BNC2: variants seen among roughly 807,000 people sequenced by gnomAD.
BNC2 encodes the protein zinc finger protein basonuclin-2.
Under a neutral mutation model 76.3 loss-of-function variants are expected in BNC2, and 20 were observed. The observed-to-expected ratio is 0.26, with a 90% CI of 0.18 to 0.38. BNC2 has a LOEUF of 0.38. Among genes scored for constraint, BNC2 ranks in the 10% least tolerant of loss-of-function variants. The pLI is 1.00. For missense variants in BNC2, 1,382 were observed against 1,399.8 expected (o/e 0.99, Z 0.20); for synonymous variants, 582 against 514.8 (o/e 1.13, Z -1.77).
chr9:16,622,246 A>C (rs1563867848), intron 3 of BNC2, among the ~76,000 whole-genome samples: 1 of 152,210 alleles, frequency 6.6e-6, no homozygotes, highest in African/African-American at 2.4e-5. Context: ...CTCTAAAAGA[A>C]GCAGTGAAGA....
chr9:16,683,732 G>A (rs1447742642), intron 3 of BNC2, among the ~76,000 whole-genome samples: 2 of 152,202 alleles, frequency 1.3e-5, no homozygotes, highest in African/African-American at 2.4e-5. Flanking sequence ...ATATGTATAT[G>A]TACTAGGTAT....
intron 1 of BNC2, among the ~76,000 whole-genome samples, chr9:16,782,006 G>C (rs1826166480): frequency 6.6e-6 from 1 of 151,962 alleles, no homozygotes; most frequent in Non-Finnish European, 1.5e-5. Flanking sequence ...TTTTGTATAG[G>C]CTGGGCGTGG....
At chr9:16,853,720 T>C (rs1461998297) in intron 1 of BNC2, among the ~76,000 whole-genome samples, 1 of 151,950 alleles carries the variant, frequency 6.6e-6, no homozygotes, top group Non-Finnish European at 1.5e-5. Flanking sequence ...TACAAAAAAT[T>C]AGCTGGACGT....
intron 3 of BNC2, among the ~76,000 whole-genome samples, chr9:16,673,953 T>A (rs1822560778): frequency 6.6e-6 from 1 of 152,256 alleles, no homozygotes; most frequent in African/African-American, 2.4e-5. Flanking sequence ...TTTATCAAAC[T>A]CAATACCTAT....
intron 2 of BNC2, among the ~76,000 whole-genome samples, chr9:16,734,735 A>T (rs921470604): frequency 5.9e-5 from 9 of 152,234 alleles, no homozygotes; most frequent in African/African-American, 2.2e-4. Flanking sequence ...ACAAAAGAAA[A>T]AATAATAACC....
chr9:16,431,181 C>T (rs910970897), intron 6 of BNC2, among the ~76,000 whole-genome samples: 15 of 152,192 alleles, frequency 9.9e-5, no homozygotes, highest in Admixed American at 2.6e-4. Context: ...TTAGAACTGC[C>T]AATCATTAAG....
At chr9:16,620,983 A>G (rs1027291938) in intron 3 of BNC2, among the ~76,000 whole-genome samples, 1 of 152,174 alleles carries the variant, frequency 6.6e-6, no homozygotes, top group African/African-American at 2.4e-5. Context: ...CCACAATGTT[A>G]TCTGGTTCCG....
intron 1 of BNC2, among the ~76,000 whole-genome samples, chr9:16,850,334 G>T (rs1352368639): frequency 6.6e-6 from 1 of 152,172 alleles, no homozygotes; most frequent in Admixed American, 6.5e-5. Flanking sequence ...TGGTACGCAT[G>T]AATCTATAAG....
At chr9:16,661,834 CAG>C (rs1358268658) in intron 3 of BNC2, among the ~76,000 whole-genome samples, 1 of 152,060 alleles carries the variant, frequency 6.6e-6, no homozygotes, top group East Asian at 1.9e-4. Context: ...TAAATAATAA[CAG>C]AGGTTTTTAA....
intron 3 of BNC2, among the ~76,000 whole-genome samples, chr9:16,663,292 C>T (rs1822168449): frequency 6.6e-6 from 1 of 151,472 alleles, no homozygotes; most frequent in Non-Finnish European, 1.5e-5. Flanking sequence ...GCCACCGTCC[C>T]TGGCTAATTT....
intron 1 of BNC2, among the ~76,000 whole-genome samples, chr9:16,777,700 C>CAAAAAAAAAAA (rs3084426): frequency 1.0e-5 from 1 of 100,478 alleles, no homozygotes; most frequent in African/African-American, 4.7e-5. Context: ...GACTCCATCT[C>CAAAAAAAAAAA]AAAAAAAAAA....
At chr9:16,829,696 T>G (rs755377868) in intron 1 of BNC2, among the ~76,000 whole-genome samples, 2 of 152,216 alleles carry the variant, frequency 1.3e-5, no homozygotes, top group African/African-American at 4.8e-5. Context: ...AGTAGGCACT[T>G]GTTAAATATT....
intron 3 of BNC2, among the ~76,000 whole-genome samples, chr9:16,602,562 C>CCCT (rs1409775858): frequency 1.3e-5 from 2 of 152,158 alleles, no homozygotes; most frequent in African/African-American, 4.8e-5. Context: ...GCCACATACC[C>CCCT]CCTCAGTGCT....
chr9:16,751,993 C>A (rs1825230071), intron 1 of BNC2, among the ~76,000 whole-genome samples: 1 of 152,086 alleles, frequency 6.6e-6, no homozygotes, highest in Admixed American at 6.5e-5. Context: ...CACGCCACTG[C>A]ACTCCAGCCT....
rs1554729002 is a variant in BNC2 at position 16,779,130 on chromosome 9, A to AAGAAAAG, written c.4-40646_4-40645insCTTTTCT. Among the ~76,000 whole-genome samples, 614 of 87,640 alleles carry AAGAAAAG rather than the reference A, an allele frequency of 7.0e-3. 1 individual carries two copies. Among genetic ancestry groups the AAGAAAAG allele is most frequent in the African/African-American group, 8.5e-3 (208 of 24,408 alleles). The allele number at this position is 87,640 out of a possible 152,430, so 57.5% of individuals were successfully genotyped here. On this transcript the variant is annotated intron_variant, in intron 1 of 6. Transcript: ENST00000380672. ...CAAAAATTGTAAAAAAAAAAAAAAAAAAAAGAAAAGAAAAGAAAAAAAAAC... is the reference window on the plus strand; with the variant it reads ...CAAAAATTGTAAAAAAAAAAAAAAAAAGAAAAGAAAAGAAAAGAAAAGAAAAAAAAAC...
intron 4 of BNC2, among the ~76,000 whole-genome samples, chr9:16,575,581 C>T (rs1819461030): frequency 6.6e-6 from 1 of 152,152 alleles, no homozygotes; most frequent in African/African-American, 2.4e-5. Context: ...TAAGAAAATA[C>T]TTAGTGCCAT....
rs774477466 is a variant in BNC2, at chr9:16,418,740, C to T, written c.*249G>A. The T allele has an allele frequency of 2.0e-6, 1 of 503,248 alleles. No individual in the cohort carries two copies. The highest frequency in any genetic ancestry group is 2.0e-5 in the African/African-American group (1 of 50,394). The allele number at this position is 503,248 out of a possible 1,614,324, so 31.2% of individuals were successfully genotyped here. A position where few individuals can be genotyped will look rare whatever the true frequency, so the allele number is the denominator to read the frequency against. ...TTTAAAGGGGTACTCTGTTTTCACC[C>T]TGAAATCAAAGATCCCACTCCTTTC... On this transcript the variant is annotated 3_prime_UTR_variant, in exon 7 of 7. Coordinates refer to ENST00000380672, the MANE Select transcript of BNC2 (RefSeq NM_017637.6).
intron 5 of BNC2, among the ~76,000 whole-genome samples, chr9:16,480,682 C>T (rs577070446): frequency 5.9e-5 from 9 of 152,352 alleles, no homozygotes; most frequent in Non-Finnish European, 1.2e-4. Flanking sequence ...TACTGGGTCC[C>T]CCAGCAGTGC....
intron 3 of BNC2, among the ~76,000 whole-genome samples, chr9:16,718,191 G>A (rs932437946): frequency 6.6e-6 from 1 of 152,160 alleles, no homozygotes; most frequent in Non-Finnish European, 1.5e-5. Flanking sequence ...AGGCTGACAG[G>A]CAGGCAGGGT....
Sources: gnomAD v4.1 joint callset for allele counts (sites outside exome capture counted in the v4.1 genomes callset) on GRCh38, gnomAD v4.1.1 for gene constraint, MANE v1.5 for transcripts, NCBI Gene and HGNC (gene_info 2026-07-23, HGNC 2026-07-21) for gene names.